The following KANK4 variants were observed in gnomAD, a reference collection of about 807,000 sequenced individuals.
KANK4 encodes KN motif and ankyrin repeat domains 4.
Under a neutral mutation model 80.8 loss-of-function variants are expected in KANK4, and 50 were observed. The observed-to-expected ratio is 0.62, with a 90% confidence interval of 0.49 to 0.78. The LOEUF (loss-of-function observed/expected upper bound fraction) is 0.78, where lower values mean the gene tolerates loss of function less well. Ranked by LOEUF, KANK4 falls within the 30% of genes least tolerant of loss-of-function variation. The pLI is 0.00. For synonymous variants in KANK4, 465 were observed against 506.9 expected, an observed-to-expected ratio of 0.92 and a Z score of 1.11; for missense variants, 1,196 against 1,240.1, an observed-to-expected ratio of 0.96 and a Z score of 0.53.
rs924608455 is a variant in KANK4, at chr1:62,273,417, A to G, written c.1687T>C (p.Tyr563His). The change falls in exon 3 of 10, where the codon TAT becomes CAT. Residue 563 changes from tyrosine to histidine, a missense_variant. By Grantham distance (83) the Tyr-to-His change is moderately conservative. This residue lies in a region of KANK4 where 1,154 missense variants were observed against 1,179.6 expected (regional missense o/e 0.98). Transcript: ENST00000371153. Reference protein sequence around the residue: ...SSPTDATIGQYVKKIQELLQE... With the variant: ...SSPTDATIGQHVKKIQELLQE... ...AGGAGCTCCTGGATCTTCTTCACAT[A>G]CTGCCCAATAGTGGCATCCGTTGGC... 2 of 1,611,754 alleles carry G rather than the reference A, an allele frequency of 1.2e-6. No individual in the cohort carries two copies. The highest frequency in any genetic ancestry group is 2.7e-5 in the African/African-American group (2 of 74,882).
In KANK4 at chr1:62,274,926, T is replaced by C; in HGVS notation, c.178A>G (p.Arg60Gly). 1 of 1,614,166 alleles carries C rather than the reference T, an allele frequency of 6.2e-7. No homozygotes were observed. Residue 60 changes from arginine to glycine, a missense_variant, in exon 3 of 10, where the codon AGG becomes GGG. Around this residue, in one of 3 missense-constraint regions of KANK4, gnomAD observed 1,154 missense variants for 1,179.6 expected, o/e 0.98. Transcript: ENST00000371153. ...GTGCTAAATTTGGCCTGCTTGGCCC[T>C]TCTGTGGATAGGAATTCTTTTGATA... ...NTIKRIPIHRRAKQAKFSTLP... is the reference protein window; with the variant it reads ...NTIKRIPIHRGAKQAKFSTLP...
intron 6 of KANK4, among the ~76,000 whole-genome samples, chr1:62,264,534 G>A (rs2149134007): frequency 6.6e-6 from 1 of 152,294 alleles, no homozygotes; most frequent in African/African-American, 2.4e-5. Flanking sequence ...AAGGGGACTG[G>A]CCCCTTACCT....
intron 2 of KANK4, among the ~76,000 whole-genome samples, chr1:62,278,361 C>T (rs368793125): frequency 0.27 from 7,117 of 26,318 alleles, 706 homozygotes; most frequent in East Asian, 0.49. Context: ...TCCTTCCTTC[C>T]TTCCTTCCTT....
intron 3 of KANK4, chr1:62,272,470 A>C (rs1028760149): frequency 6.6e-5 from 10 of 152,432 alleles, no homozygotes; most frequent in Non-Finnish European, 1.0e-4. Context: ...AAAGCCCAGG[A>C]AGAGGTCTGG....
rs1358890172 is a variant in KANK4, at chr1:62,237,425, C to G, written c.*852G>C. 1 of 152,066 alleles carries G rather than the reference C, an allele frequency of 6.6e-6. No homozygotes were observed. The highest frequency in any genetic ancestry group is 1.5e-5 in the Non-Finnish European group (1 of 68,020). The allele number at this position is 152,066 out of a possible 1,614,324, so 9.4% of individuals were successfully genotyped here. Reference sequence around the variant, plus strand: ...CAGGTGGCTTCTTGATGACAATAACCCATCCTCAGGAGGAAGCTTTTTTTT... The same window carrying G: ...CAGGTGGCTTCTTGATGACAATAACGCATCCTCAGGAGGAAGCTTTTTTTT... On this transcript the variant is annotated 3_prime_UTR_variant, in exon 10 of 10. Transcript: ENST00000371153.
chr1:62,319,305 C>T lies in KANK4; in HGVS notation c.-270G>A, dbSNP rs932882730. 2 of 151,938 alleles carry T rather than the reference C, an allele frequency of 1.3e-5. No individual in the cohort carries two copies. The highest frequency in any genetic ancestry group is 3.9e-4 in the East Asian group (2 of 5,162). 9.4% of individuals were successfully genotyped at this position (151,938 alleles called of 1,614,324 possible). On this transcript the variant is annotated 5_prime_UTR_variant, in exon 1 of 10. Transcript: ENST00000371153. Reference sequence around the variant, plus strand: ...GCGCCCTCTGGCCGACGGTCTCGGCCCTGGCCCCGGCGCACCCCTGCGGGC... The same window carrying T: ...GCGCCCTCTGGCCGACGGTCTCGGCTCTGGCCCCGGCGCACCCCTGCGGGC...
intron 6 of KANK4, among the ~76,000 whole-genome samples, chr1:62,264,751 T>C (rs1671978866): frequency 6.6e-6 from 1 of 152,230 alleles, no homozygotes; most frequent in Non-Finnish European, 1.5e-5. Flanking sequence ...ATCCATGGGA[T>C]CTTCAAGAAA....
chr1:62,250,681 A>C (rs2457808), intron 8 of KANK4, among the ~76,000 whole-genome samples: 102,884 of 152,044 alleles, frequency 0.68, 35,083 homozygotes, highest in East Asian at 0.83. Flanking sequence ...TCCTCTTGCA[A>C]GCAACCCCTC....
At chr1:62,249,251 T>G (rs1220836857) in intron 8 of KANK4, among the ~76,000 whole-genome samples, 1 of 152,004 alleles carries the variant, frequency 6.6e-6, no homozygotes. Context: ...TATGTAAATA[T>G]AATGATGTAC....
intron 1 of KANK4, among the ~76,000 whole-genome samples, chr1:62,306,754 T>G (rs1002725964): frequency 2.6e-5 from 4 of 152,080 alleles, no homozygotes; most frequent in African/African-American, 9.7e-5. Flanking sequence ...GCCTTTCAAA[T>G]TGTAAAGGCC....
rs148060294 is a variant in KANK4 at position 62,253,208 on chromosome 1, G to T, written c.2541C>A (p.Gly847=). The T allele has an allele frequency of 3.8e-4, 606 of 1,602,526 alleles. No homozygotes were observed. The highest frequency in any genetic ancestry group is 4.7e-4 in the Non-Finnish European group (558 of 1,176,836). The change falls in exon 8 of 10, where the codon GGC becomes GGA. Residue 847 remains glycine, a splice_region_variant and synonymous_variant. Coordinates refer to ENST00000371153, the MANE Select transcript of KANK4 (RefSeq NM_181712.5). The part of the protein sequence containing the change: ...FSIVKLLLET[G]VCNVDHQNKA... Reference sequence around the variant, plus strand: ...TGTTCTGATGGTCCACATTGCAGACGCCTGCAAGAGAAGCAATGGGTGCTG... The same window carrying T: ...TGTTCTGATGGTCCACATTGCAGACTCCTGCAAGAGAAGCAATGGGTGCTG...
At chr1:62,263,689 A>G (rs957860860) in intron 6 of KANK4, among the ~76,000 whole-genome samples, 3 of 152,190 alleles carry the variant, frequency 2.0e-5, no homozygotes, top group Admixed American at 6.5e-5. Context: ...CCAGCCCACA[A>G]TGACCTTTCC....
chr1:62,291,116 C>A (rs1274772622), intron 1 of KANK4, among the ~76,000 whole-genome samples: 1 of 152,146 alleles, frequency 6.6e-6, no homozygotes, highest in Non-Finnish European at 1.5e-5. Context: ...TATAGCCATC[C>A]TAGTAGGTGT....
At position 62,268,438 on chromosome 1, in the gene KANK4, C is replaced by T; in HGVS notation, c.2080G>A (p.Glu694Lys). The T allele has an allele frequency of 1.9e-6, 3 of 1,613,932 alleles. No individual in the cohort carries two copies. The highest frequency in any genetic ancestry group is 1.3e-5 in the African/African-American group (1 of 75,040). The change falls in exon 5 of 10, where the codon GAG (glutamate) becomes AAG (lysine). Residue 694 changes from glutamate to lysine, a missense_variant. Glu to Lys is a moderately conservative substitution (Grantham distance 56). Coordinates refer to ENST00000371153, the MANE Select transcript of KANK4 (RefSeq NM_181712.5). ...GGGCCGTCACACTTCTTCTCTGCCT[C>T]GCTGTCAGACAAGTCCTCTGGGGTG... The part of the protein sequence containing the change: ...DSTPEDLSDS[E>K]AEKKCDGPDH...
chr1:62,256,193 G>T (rs986038158), intron 7 of KANK4, among the ~76,000 whole-genome samples: 1 of 152,124 alleles, frequency 6.6e-6, no homozygotes, highest in East Asian at 1.9e-4. Flanking sequence ...ATCATGCCTA[G>T]TACACAGTAA....
chr1:62,242,409 G>A (rs1472063104), intron 9 of KANK4, among the ~76,000 whole-genome samples: 1 of 149,890 alleles, frequency 6.7e-6, no homozygotes, highest in Non-Finnish European at 1.5e-5. Flanking sequence ...AAAAGAGAAG[G>A]GTGCAGGCAG....
chr1:62,291,132 G>A lies in KANK4; in HGVS notation c.-70-9498C>T, dbSNP rs75498024. ...ATAGCCATCCTAGTAGGTGTAGTAG[G>A]TATGAATTGGTATCTCACTGTGGTT... is the stretch of plus-strand genomic sequence containing the variant. On this transcript the variant is annotated intron_variant, in intron 1 of 9. Transcript: ENST00000371153. Among the ~76,000 whole-genome samples the A allele has an allele frequency of 8.0e-3, 1,223 of 152,274 alleles. 15 individuals carry two copies. The highest frequency in any genetic ancestry group is 0.029 in the African/African-American group (1,186 of 41,550).
intron 1 of KANK4, among the ~76,000 whole-genome samples, chr1:62,312,972 GT>G (rs3039733): frequency 7.8e-6 from 1 of 128,948 alleles, no homozygotes; most frequent in South Asian, 2.5e-4. Context: ...CAATACAGTG[GT>G]TCCCCCCCAA....
chr1:62,259,271 TTTTC>T lies in KANK4; in HGVS notation c.2539+3817_2539+3820del, dbSNP rs1334418672. On this transcript the variant is annotated intron_variant, in intron 7 of 9. Coordinates refer to ENST00000371153, the MANE Select transcript of KANK4 (RefSeq NM_181712.5). ...AAATGAAAAGAGGAATGGGACCGACTTTTCTTTCTTTCTTTTTTTTTTTGAGTCC... is the reference window on the plus strand; with the variant it reads ...AAATGAAAAGAGGAATGGGACCGACTTTTCTTTCTTTTTTTTTTTGAGTCC... Among the ~76,000 whole-genome samples the T allele has an allele frequency of 5.3e-5, 8 of 151,904 alleles. No individual in the cohort carries two copies. The East Asian group carries it at 5.8e-4, about 11-fold the overall frequency.
Sources: gnomAD v4.1 joint callset for allele counts (sites outside exome capture counted in the v4.1 genomes callset) on GRCh38, gnomAD v4.1.1 for gene constraint, gnomAD v4.1.1 regional missense constraint, MANE v1.5 for transcripts, NCBI Gene and HGNC (gene_info 2026-07-23, HGNC 2026-07-21) for gene names.